The following SDK2 variants were observed in gnomAD, a reference collection of about 807,000 sequenced individuals.
SDK2 encodes sidekick cell adhesion molecule 2, also known as protein sidekick-2.
A neutral mutation model predicts 253.9 loss-of-function variants in SDK2; 105 were observed. The observed-to-expected ratio is 0.41, with a 90% CI of 0.35 to 0.49. The LOEUF (loss-of-function observed/expected upper bound fraction) is 0.49. Ranked by LOEUF, SDK2 falls within the 20% of genes least tolerant of loss-of-function variation. The pLI is 0.06. For synonymous variants in SDK2, 1,249 were observed against 1,234.9 expected (o/e 1.01, Z -0.24); for missense variants, 2,608 against 3,003.0 (o/e 0.87, Z 3.07).
At chr17:73,508,650 A>G (rs910054871) in intron 1 of SDK2, among the ~76,000 whole-genome samples, 1 of 152,156 alleles carries the variant, frequency 6.6e-6, no homozygotes, top group Admixed American at 6.5e-5. Context: ...TCATGACTAG[A>G]CAGGATTACA....
chr17:73,368,493 G>A lies in SDK2; in HGVS notation c.5081C>T (p.Thr1694Met), dbSNP rs758255463. 121 of 1,610,220 alleles carry A rather than the reference G, an allele frequency of 7.5e-5. 1 individual carries two copies. Among genetic ancestry groups the A allele is most frequent in the South Asian group, 3.0e-4 (27 of 90,066 alleles). Residue 1694 changes from threonine (T) to methionine (M), a missense_variant, in exon 37 of 45, where the codon ACG (threonine) becomes ATG (methionine). Thr to Met is a moderately conservative substitution (Grantham distance 81). Transcript: ENST00000392650. ...SVKLKNLTGY[T>M]AYMVSVAAFN... ...GGCGGCCACGCTGACCATGTAGGCC[G>A]TGTAGCCAGTCAAGTTCTTGAGCTT...
chr17:73,425,187 T>G (rs1315520988), intron 12 of SDK2, among the ~76,000 whole-genome samples: 1 of 151,712 alleles, frequency 6.6e-6, no homozygotes, highest in Non-Finnish European at 1.5e-5. Flanking sequence ...GCCACTGCAC[T>G]CCAGCCTGGG....
At chr17:73,540,040 G>A (rs2044842065) in intron 1 of SDK2, among the ~76,000 whole-genome samples, 1 of 149,598 alleles carries the variant, frequency 6.7e-6, no homozygotes, top group South Asian at 2.2e-4. Flanking sequence ...GTGAGCCACG[G>A]TACCCAGGAT....
intron 16 of SDK2, among the ~76,000 whole-genome samples, chr17:73,417,772 C>T (rs748192561): frequency 2.6e-5 from 4 of 152,074 alleles, no homozygotes; most frequent in South Asian, 2.1e-4. Context: ...GCTACCTACT[C>T]GACCCATTTC....
At position 73,387,840 on chromosome 17, in the gene SDK2, C is replaced by T. The variant is rs748864651; in HGVS notation, c.4390G>A (p.Asp1464Asn). The T allele has an allele frequency of 1.3e-6, 2 of 1,574,006 alleles. No individual in the cohort carries two copies. Among genetic ancestry groups the T allele is most frequent in the South Asian group, 2.3e-5 (2 of 85,688 alleles). ...TGGCATGGACCCGAGCCTTACCTGT[C>T]CACAATGAAGCTGGAGGCATTGTGG... Reference protein sequence around the residue: ...VSHNASSFIVDRLKPFTSYKF... With the variant: ...VSHNASSFIVNRLKPFTSYKF... The change falls in exon 30 of 45, where the codon GAC becomes AAC. Residue 1464 changes from aspartate to asparagine, a missense_variant. By Grantham distance (23) the Asp-to-Asn change is conservative. Coordinates refer to ENST00000392650, the MANE Select transcript of SDK2 (RefSeq NM_001144952.2).
intron 1 of SDK2, among the ~76,000 whole-genome samples, chr17:73,546,287 G>A (rs1366640612): frequency 6.6e-6 from 1 of 152,252 alleles, no homozygotes; most frequent in Non-Finnish European, 1.5e-5. Flanking sequence ...TTCATTAGCT[G>A]ACACGTCTGT....
chr17:73,388,893 C>CCTCCCTTCTTT (rs1347263036), intron 29 of SDK2, among the ~76,000 whole-genome samples: 2 of 80,626 alleles, frequency 2.5e-5, no homozygotes, highest in African/African-American at 1.6e-4. Context: ...CTTCCTTCTC[C>CCTCCCTTCTTT]CTCCCTCCCT....
At chr17:73,537,046 G>C (rs1356284959) in intron 1 of SDK2, among the ~76,000 whole-genome samples, 1 of 152,222 alleles carries the variant, frequency 6.6e-6, no homozygotes, top group Non-Finnish European at 1.5e-5. Context: ...TTTGGGGACT[G>C]TGAGGATGGA....
At chr17:73,597,088 T>C (rs1040998325) in intron 1 of SDK2, among the ~76,000 whole-genome samples, 2 of 152,132 alleles carry the variant, frequency 1.3e-5, no homozygotes, top group African/African-American at 2.4e-5. Flanking sequence ...CCTGTGGGAG[T>C]GCCTGTCAAG....
rs988501629 is a variant in SDK2 at position 73,537,280 on chromosome 17, G to A, written c.65-29683C>T. ...CTCGCCTTGCCCCTGCCAAATGGCCGCGTCTGTTAACGAGGGAGATAAACG... is the reference window on the plus strand; with the variant it reads ...CTCGCCTTGCCCCTGCCAAATGGCCACGTCTGTTAACGAGGGAGATAAACG... On this transcript the variant is annotated intron_variant, in intron 1 of 44. Coordinates refer to ENST00000392650, the MANE Select transcript of SDK2 (RefSeq NM_001144952.2). Among the ~76,000 whole-genome samples the A allele has an allele frequency of 2.0e-5, 3 of 152,162 alleles. No homozygotes were observed. In the South Asian group the frequency reaches 6.2e-4, roughly 32 times the overall value.
rs866907742 is a variant in SDK2 at position 73,465,220 on chromosome 17, C to T, written c.331+6892G>A. 6.8e-6 allele frequency among the ~76,000 whole-genome samples: 1 copy of T among 147,906 alleles called. No homozygotes were observed. Among genetic ancestry groups the T allele is most frequent in the Middle Eastern group, 3.5e-3 (1 of 282 alleles). On this transcript the variant is annotated intron_variant, in intron 3 of 44. Transcript: ENST00000392650. This position sits in a 1 kb window ranked among gnomAD's most constrained non-coding sequence, Gnocchi z 4.2. The stretch of plus-strand genomic sequence containing the variant: ...AGCGGGCTTGTTCCCCTCCAATTGT[C>T]TTTTGTAGGAGTGGCTGCTAAGCTG...
intron 1 of SDK2, among the ~76,000 whole-genome samples, chr17:73,594,921 CTGCACACAGCACACG>C (rs2045733843): frequency 6.6e-6 from 1 of 152,050 alleles, no homozygotes; most frequent in Non-Finnish European, 1.5e-5. Flanking sequence ...CAGCACACAC[CTGCACACAGCACACG>C]TGCACACACA....
Position 73,350,347 on chromosome 17 carries a change from G to T in SDK2, c.5928C>A (p.Gly1976=). The change falls in exon 43 of 45, where the codon GGC becomes GGA. Residue 1976 remains glycine (G), a synonymous_variant. Coordinates refer to ENST00000392650, the MANE Select transcript of SDK2 (RefSeq NM_001144952.2). ...SGNSAKSGAL[G]HSEMMSLDES... Reference sequence around the variant, plus strand: ...CATCCAAGCTCATCATCTCGCTGTGGCCTAGGGCTCCAGACTTGGCACTGT... The same window carrying T: ...CATCCAAGCTCATCATCTCGCTGTGTCCTAGGGCTCCAGACTTGGCACTGT... 1 of 1,613,788 alleles carries T rather than the reference G, an allele frequency of 6.2e-7. No individual in the cohort carries two copies. Among genetic ancestry groups the T allele is most frequent in the Non-Finnish European group, 8.5e-7 (1 of 1,179,828 alleles).
intron 1 of SDK2, among the ~76,000 whole-genome samples, chr17:73,563,032 C>T (rs1389713114): frequency 1.3e-5 from 2 of 152,200 alleles, no homozygotes; most frequent in African/African-American, 4.8e-5. Context: ...AGGGGAAGGA[C>T]AGCTCCGCTC....
chr17:73,437,242 A>G (rs1599565611), intron 8 of SDK2, among the ~76,000 whole-genome samples: 1 of 152,242 alleles, frequency 6.6e-6, no homozygotes, highest in Non-Finnish European at 1.5e-5. Context: ...GGCGGAAATG[A>G]ATCAGAAGGA....
At chr17:73,390,567 C>T in intron 28 of SDK2, 86 bp from the exon 29 acceptor site, 2 of 1,367,332 alleles carry the variant, frequency 1.5e-6, no homozygotes, top group Non-Finnish European at 2.0e-6. Context: ...TCCAAAGCCA[C>T]AGCTGTGTCT....
At chr17:73,386,120 A>G (rs2062870127) in intron 31 of SDK2, among the ~76,000 whole-genome samples, 1 of 152,194 alleles carries the variant, frequency 6.6e-6, no homozygotes, top group Admixed American at 6.5e-5. Context: ...ACTCAGCCCA[A>G]ACCCAAGGGT....
At chr17:73,585,277 G>A (rs565100483) in intron 1 of SDK2, among the ~76,000 whole-genome samples, 89 of 152,228 alleles carry the variant, frequency 5.8e-4, no homozygotes, top group Non-Finnish European at 8.8e-4. Context: ...TGCGCTTCTC[G>A]TAGTGGGTGG....
At position 73,423,526 on chromosome 17, in the gene SDK2, GA is replaced by G; in HGVS notation, c.1761-5del. 1.9e-6 allele frequency: 3 copies of G among 1,547,678 alleles called. No homozygotes were observed. Among genetic ancestry groups the G allele is most frequent in the South Asian group, 1.2e-5 (1 of 80,036 alleles). On this transcript the variant is annotated splice_region_variant and splice_polypyrimidine_tract_variant and intron_variant, in intron 13 of 44. Transcript: ENST00000392650. ...CTCGGGCGCGTGGGGCAGTTGCCTG[GA>G]AAAGAGACACGTGGTCAGGCATCCC... is the stretch of plus-strand genomic sequence containing the variant.
Sources: gnomAD v4.1 joint callset for allele counts (sites outside exome capture counted in the v4.1 genomes callset) on GRCh38, gnomAD v4.1.1 for gene constraint, Gnocchi (gnomAD v3.1) non-coding constraint, MANE v1.5 for transcripts, NCBI Gene and HGNC (gene_info 2026-07-23, HGNC 2026-07-21) for gene names.